The following SLC39A10 variants were observed in gnomAD, a reference collection of about 807,000 sequenced individuals.
SLC39A10 encodes solute carrier family 39 member 10.
In SLC39A10, 13 loss-of-function variants were observed where a neutral mutation model predicts 65.1. The observed-to-expected ratio is 0.20, with a 90% CI of 0.13 to 0.32. The LOEUF (loss-of-function observed/expected upper bound fraction) is 0.32, where lower values mean the gene tolerates loss of function less well. Ranked by LOEUF, SLC39A10 falls within the 10% of genes least tolerant of loss-of-function variation. The pLI, the probability that SLC39A10 is intolerant of heterozygous loss-of-function variation, is 1.00. For missense variants in SLC39A10, 831 were observed against 1,018.4 expected, an observed-to-expected ratio of 0.82 and a Z score of 2.50; for synonymous variants, 321 against 342.2, an observed-to-expected ratio of 0.94 and a Z score of 0.68.
At chr2:195,614,710 T>C (rs151064609) in intron 2 of SLC39A10, among the ~76,000 whole-genome samples, 2 of 152,308 alleles carry the variant, frequency 1.3e-5, no homozygotes, top group African/African-American at 4.8e-5. Context: ...CAGTTATCTT[T>C]TGATGACTTG....
intron 2 of SLC39A10, among the ~76,000 whole-genome samples, chr2:195,629,973 T>A (rs770875881): frequency 1.3e-5 from 2 of 152,008 alleles, no homozygotes; most frequent in Non-Finnish European, 2.9e-5. Context: ...TAGGCTCAAA[T>A]GATCTGCCCA....
At chr2:195,685,077 A>T (rs533435716) in intron 3 of SLC39A10, among the ~76,000 whole-genome samples, 1 of 152,038 alleles carries the variant, frequency 6.6e-6, no homozygotes, top group East Asian at 1.9e-4. Flanking sequence ...TTGCTATCTT[A>T]TGTGTTGTTT....
At chr2:195,724,923 T>C (rs1297071223) in intron 8 of SLC39A10, among the ~76,000 whole-genome samples, 2 of 152,098 alleles carry the variant, frequency 1.3e-5, no homozygotes, top group Admixed American at 6.6e-5. Context: ...TTGGAATTGG[T>C]GAAAGAGTAG....
rs752818067 is a variant in SLC39A10 at position 195,717,034 on chromosome 2, C to CTATAATCTATGGACTATA, written c.2065+31_2065+32insTAATCTATGGACTATATA. On this transcript the variant is annotated intron_variant, in intron 7 of 9. Transcript: ENST00000359634. ...AGTGGACTGGAAACCACTGTCTATG[C>CTATAATCTATGGACTATA]TAATCTTATGGACTATAATATGTAT... The CTATAATCTATGGACTATA allele has an allele frequency of 6.9e-6, 11 of 1,598,724 alleles. No individual in the cohort carries two copies. The East Asian group carries it at 2.5e-4, about 36-fold the overall frequency.
chr2:195,643,306 G>C (rs1384440899), intron 2 of SLC39A10, among the ~76,000 whole-genome samples: 1 of 152,178 alleles, frequency 6.6e-6, no homozygotes. Context: ...GTGTAGAAAA[G>C]TCTTCTTGGC....
At chr2:195,628,796 C>A (rs934122564) in intron 2 of SLC39A10, among the ~76,000 whole-genome samples, 1 of 152,174 alleles carries the variant, frequency 6.6e-6, no homozygotes, top group Non-Finnish European at 1.5e-5. Flanking sequence ...TCTTTACATT[C>A]TAACCCATTA....
At chr2:195,719,588 A>G (rs1285753624) in intron 8 of SLC39A10, among the ~76,000 whole-genome samples, 1 of 151,980 alleles carries the variant, frequency 6.6e-6, no homozygotes, top group Non-Finnish European at 1.5e-5. Context: ...TTGTTGCCAC[A>G]ACCCTCCCAG....
chr2:195,681,173 C>A (rs997900131), intron 2 of SLC39A10, 123 bp downstream of exon 2: 4 of 935,912 alleles, frequency 4.3e-6, no homozygotes, highest in Non-Finnish European at 3.1e-6. Flanking sequence ...ATATGTTTAC[C>A]TATGAAATAT....
chr2:195,650,196 G>A (rs1238422761), intron 2 of SLC39A10, among the ~76,000 whole-genome samples: 1 of 151,434 alleles, frequency 6.6e-6, no homozygotes, highest in Non-Finnish European at 1.5e-5. Context: ...GTGGGAAAAT[G>A]GCATGAACCC....
chr2:195,679,176 A>G (rs542291354), intron 1 of SLC39A10, among the ~76,000 whole-genome samples: 144 of 152,290 alleles, frequency 9.5e-4, no homozygotes, highest in African/African-American at 3.2e-3. Flanking sequence ...ACAGTTCTGG[A>G]CACTTTATCA....
chr2:195,714,366 TG>T (rs1231743579), intron 6 of SLC39A10, among the ~76,000 whole-genome samples: 1 of 152,246 alleles, frequency 6.6e-6, no homozygotes, highest in Non-Finnish European at 1.5e-5. Context: ...GCATTTCTCA[TG>T]GGAATAATCT....
intron 2 of SLC39A10, among the ~76,000 whole-genome samples, chr2:195,614,866 C>T (rs1688173126): frequency 6.6e-6 from 1 of 152,170 alleles, no homozygotes; most frequent in African/African-American, 2.4e-5. Context: ...CCAACCTAGG[C>T]AACATAGCAA....
chr2:195,683,364 G>A (rs1559032623), intron 2 of SLC39A10, among the ~76,000 whole-genome samples: 2 of 151,962 alleles, frequency 1.3e-5, no homozygotes, highest in South Asian at 2.1e-4. Flanking sequence ...TTGAGTCACC[G>A]ATGATTGCAA....
rs200054459 is a variant in SLC39A10, at chr2:195,683,860, G to A, written c.1170G>A (p.Lys390=). 2 of 1,612,942 alleles carry A rather than the reference G, an allele frequency of 1.2e-6. No homozygotes were observed. The highest frequency in any genetic ancestry group is 3.3e-5 in the Admixed American group (2 of 59,984). The change falls in exon 3 of 10, where the codon AAG becomes AAA. Residue 390 remains lysine (K), a synonymous_variant. Coordinates refer to ENST00000359634, the MANE Select transcript of SLC39A10 (RefSeq NM_020342.3). Reference sequence around the variant, plus strand: ...AACTTTTAGTTGAAGATATAAATAAGGATAAAAACCTGGTTCCTGAAGATG... The same window carrying A: ...AACTTTTAGTTGAAGATATAAATAAAGATAAAAACCTGGTTCCTGAAGATG... ...FDKLLVEDIN[K]DKNLVPEDEA...
In SLC39A10 at chr2:195,615,007, T is replaced by C. The variant is rs909999242; in HGVS notation, c.-12+8774T>C. ...TCAAAGCTACAGTGAGCCGTGATTGTGACCATGTCAGTATACTCAGCCCGG... is the reference window on the plus strand; with the variant it reads ...TCAAAGCTACAGTGAGCCGTGATTGCGACCATGTCAGTATACTCAGCCCGG... On this transcript the variant is annotated intron_variant, in intron 2 of 2. Transcript: ENST00000458054. 5.9e-5 allele frequency among the ~76,000 whole-genome samples: 9 copies of C among 152,280 alleles called. No individual in the cohort carries two copies. The East Asian group carries it at 1.2e-3, about 20-fold the overall frequency.
intron 2 of SLC39A10, among the ~76,000 whole-genome samples, chr2:195,644,745 C>A (rs1479173112): frequency 6.6e-6 from 1 of 151,440 alleles, no homozygotes; most frequent in African/African-American, 2.4e-5. Flanking sequence ...GTCATGGCTG[C>A]ACTGAGCTTT....
At position 195,680,921 on chromosome 2, in the gene SLC39A10, A is replaced by G. The variant is rs1293352823; in HGVS notation, c.879A>G (p.Gly293=). The G allele has an allele frequency of 6.2e-7, 1 of 1,614,136 alleles. No individual in the cohort carries two copies. Among genetic ancestry groups the G allele is most frequent in the Non-Finnish European group, 8.5e-7 (1 of 1,180,032 alleles). Residue 293 remains glycine, a synonymous_variant, in exon 2 of 10, where the codon GGA becomes GGG. Coordinates refer to ENST00000359634, the MANE Select transcript of SLC39A10 (RefSeq NM_020342.3). ...PERNGHDPGR[G]HQDLDPDNEG... is the part of the protein sequence containing the mutation. The stretch of plus-strand genomic sequence containing the variant: ...GTAATGGTCATGATCCTGGTCGTGG[A>G]CACCAAGATCTTGATCCTGATAATG...
chr2:195,668,430 A>G (rs1202105591), intron 1 of SLC39A10, among the ~76,000 whole-genome samples: 3 of 152,192 alleles, frequency 2.0e-5, no homozygotes, highest in Non-Finnish European at 4.4e-5. Flanking sequence ...TTAGTGATTA[A>G]TCTTTTGGTT....
At position 195,713,513 on chromosome 2, in the gene SLC39A10, T is replaced by C. The variant is rs925927911; in HGVS notation, c.1656T>C (p.Asn552=). ...GRKLSDHKLN[N]TPDSDWLQLK... Reference sequence around the variant, plus strand: ...AGCTTTCAGATCACAAGTTAAACAATACACCAGATTCTGACTGGCTTCAAC... The same window carrying C: ...AGCTTTCAGATCACAAGTTAAACAACACACCAGATTCTGACTGGCTTCAAC... Residue 552 remains asparagine (N), a synonymous_variant, in exon 6 of 10, where the codon AAT becomes AAC. Coordinates refer to ENST00000359634, the MANE Select transcript of SLC39A10 (RefSeq NM_020342.3). The C allele has an allele frequency of 5.1e-6, 8 of 1,583,676 alleles. No homozygotes were observed. The African/African-American group carries it at 9.6e-5, about 19-fold the overall frequency.
Sources: gnomAD v4.1 joint callset for allele counts (sites outside exome capture counted in the v4.1 genomes callset) on GRCh38, gnomAD v4.1.1 for gene constraint, MANE v1.5 for transcripts, NCBI Gene and HGNC (gene_info 2026-07-23, HGNC 2026-07-21) for gene names.